Variants in GAK observed in about 807,000 individuals in gnomAD.
GAK encodes the protein cyclin G associated kinase, also known as cyclin-G-associated kinase.
Under a neutral mutation model 143.9 loss-of-function variants are expected in GAK, and 79 were observed. That is an observed-to-expected ratio of 0.55 (90% CI 0.46 to 0.66). GAK has a LOEUF of 0.66. GAK is among the 30% of genes least tolerant of loss of function. GAK has a pLI of 0.00. For missense variants in GAK, 1,693 were observed against 1,779.7 expected (o/e 0.95, Z 0.88); for synonymous variants, 881 against 765.5 (o/e 1.15, Z -2.49).
Position 866,486 on chromosome 4 carries a change from G to A in GAK, c.2921C>T (p.Pro974Leu), listed in dbSNP as rs750688812. 6.2e-7 allele frequency: 1 copy of A among 1,614,096 alleles called. No homozygotes were observed. The highest frequency in any genetic ancestry group is 1.3e-5 in the African/African-American group (1 of 75,062). Residue 974 changes from proline (P) to leucine (L), a missense_variant, in exon 22 of 28, where the codon CCC (proline) becomes CTC (leucine). By Grantham distance (98) the Pro-to-Leu change is moderately conservative. Around this residue, in one of 2 missense-constraint regions of GAK, gnomAD observed 822 missense variants for 788.7 expected, o/e 1.04. Coordinates refer to ENST00000314167, the MANE Select transcript of GAK (RefSeq NM_005255.4). ...GCCGAAGAGATCAGGATTGGAGCAG[G>A]GCTGGGAGTTGTTGCCTGAAGACGG... ...LLPSSGNNSQ[P>L]CSNPDLFGEF...
chr4:909,716 G>A (rs1005086251), intron 4 of GAK, among the ~76,000 whole-genome samples: 7 of 152,244 alleles, frequency 4.6e-5, no homozygotes, highest in African/African-American at 1.7e-4. Flanking sequence ...CGGTTAGAAT[G>A]GAGAGAGGGA....
chr4:861,581 C>G (rs936215241), intron 23 of GAK, among the ~76,000 whole-genome samples: 1 of 152,072 alleles, frequency 6.6e-6, no homozygotes, highest in Non-Finnish European at 1.5e-5. Flanking sequence ...AGAGCAAGAC[C>G]CTGTCTCTAA....
intron 11 of GAK, 166 bp downstream of exon 11, chr4:888,681 G>C: frequency 1.3e-6 from 1 of 779,430 alleles, no homozygotes; most frequent in Non-Finnish European, 2.0e-6. Context: ...GGGATGCTGG[G>C]CTCATTCCGA....
chr4:873,220 C>T (rs1713090046), intron 18 of GAK, among the ~76,000 whole-genome samples: 1 of 152,236 alleles, frequency 6.6e-6, no homozygotes, highest in African/African-American at 2.4e-5. Flanking sequence ...GCACCCCACA[C>T]ATCTGGTAAG....
chr4:910,431 C>T (rs542562193), intron 4 of GAK, among the ~76,000 whole-genome samples: 1 of 151,608 alleles, frequency 6.6e-6, no homozygotes, highest in East Asian at 2.0e-4. Context: ...GCACAGGGCC[C>T]CTTCCACGAC....
intron 24 of GAK, chr4:859,265 C>T (rs185660452): frequency 2.5e-5 from 31 of 1,238,828 alleles, no homozygotes; most frequent in East Asian, 1.1e-4. Flanking sequence ...AGCACAGCCT[C>T]GGGGACTGAG....
chr4:868,263 A>G lies in GAK; in HGVS notation c.2395+276T>C, dbSNP rs569312919. Among the ~76,000 whole-genome samples, 14 of 152,218 alleles carry G rather than the reference A, an allele frequency of 9.2e-5. No homozygotes were observed. The South Asian group carries it at 2.9e-3, about 32-fold the overall frequency. On this transcript the variant is annotated intron_variant, in intron 20 of 27. Coordinates refer to ENST00000314167, the MANE Select transcript of GAK (RefSeq NM_005255.4). Reference sequence around the variant, plus strand: ...CCCCGCCAGCATGGCCCATGCTGCCAGCCTCCCCAGGCCCACAGACTGGGA... The same window carrying G: ...CCCCGCCAGCATGGCCCATGCTGCCGGCCTCCCCAGGCCCACAGACTGGGA...
At chr4:856,599 C>CCAT in intron 24 of GAK, among the ~76,000 whole-genome samples, 1 of 149,998 alleles carries the variant, frequency 6.7e-6, no homozygotes, top group Non-Finnish European at 1.5e-5. Flanking sequence ...CAGGTGCTCA[C>CCAT]AGCTGCTCAC....
chr4:856,288 G>A (rs1749147358), intron 24 of GAK, among the ~76,000 whole-genome samples: 2 of 129,752 alleles, frequency 1.5e-5, no homozygotes, highest in Admixed American at 7.9e-5. Context: ...CCTCACCACA[G>A]CTGCTCACCC....
At chr4:907,888 A>ATTTATGACTTGAGG (rs1411994436) in intron 4 of GAK, among the ~76,000 whole-genome samples, 1 of 152,124 alleles carries the variant, frequency 6.6e-6, no homozygotes, top group Non-Finnish European at 1.5e-5. Flanking sequence ...CGCATGCGTT[A>ATTTATGACTTGAGG]GTCTGCCTCG....
chr4:904,435 G>T (rs978474603), intron 5 of GAK, among the ~76,000 whole-genome samples: 1 of 150,128 alleles, frequency 6.7e-6, no homozygotes, highest in African/African-American at 2.5e-5. Context: ...GCTCCTAACC[G>T]AGCGGGACCC....
chr4:868,199 T>C (rs1397727111), intron 20 of GAK, among the ~76,000 whole-genome samples: 1 of 151,944 alleles, frequency 6.6e-6, no homozygotes, highest in Non-Finnish European at 1.5e-5. Flanking sequence ...GTGGTGACAG[T>C]CTGTCCCTCC....
At chr4:898,520 G>A (rs983593685) in intron 5 of GAK, among the ~76,000 whole-genome samples, 6 of 152,218 alleles carry the variant, frequency 3.9e-5, no homozygotes, top group Admixed American at 3.3e-4. Context: ...ATAAAAAGCA[G>A]AAAATTAAAA....
intron 5 of GAK, among the ~76,000 whole-genome samples, chr4:902,605 A>AAAAAAAAAC (rs1720119846): frequency 1.5e-5 from 2 of 130,386 alleles, no homozygotes; most frequent in Admixed American, 8.3e-5. Flanking sequence ...TCAAAAAAAA[A>AAAAAAAAAC]AAAAAAAAAC....
In GAK at chr4:870,667, A is replaced by G. The variant is rs752921824; in HGVS notation, c.2248+44T>C. The G allele has an allele frequency of 1.4e-5, 23 of 1,590,620 alleles. No homozygotes were observed. The South Asian group carries it at 2.1e-4, about 15-fold the overall frequency. ...CAAAGGTGTCTCTCTCCACAGAGAC[A>G]CTCACCAGAACAGGGTTCACCTAAT... On this transcript the variant is annotated intron_variant, in intron 19 of 27. Coordinates refer to ENST00000314167, the MANE Select transcript of GAK (RefSeq NM_005255.4).
intron 11 of GAK, 121 bp downstream of exon 11, chr4:888,726 C>T (rs1717045000): frequency 4.0e-6 from 5 of 1,241,894 alleles, no homozygotes; most frequent in Non-Finnish European, 5.5e-6. Context: ...TGTCCCACTG[C>T]CTCAGGGGCC....
chr4:866,789 G>A (rs1287202484), intron 21 of GAK, among the ~76,000 whole-genome samples, 167 bp downstream of exon 21: 4 of 152,220 alleles, frequency 2.6e-5, no homozygotes, highest in African/African-American at 9.6e-5. Context: ...GCTCAGGTGG[G>A]CAGCACAGAA....
Position 866,539 on chromosome 4 carries a change from G to A in GAK, c.2873-5C>T. 6.2e-7 allele frequency: 1 copy of A among 1,612,436 alleles called. No homozygotes were observed. The highest frequency in any genetic ancestry group is 8.5e-7 in the Non-Finnish European group (1 of 1,179,514). ...GAAGCGGGCCAAAGGGGTCAGCTGTGGGGACAGGCGGGCATGGGGAGGACT... is the reference window on the plus strand; with the variant it reads ...GAAGCGGGCCAAAGGGGTCAGCTGTAGGGACAGGCGGGCATGGGGAGGACT... On this transcript the variant is annotated splice_polypyrimidine_tract_variant and splice_region_variant and intron_variant, in intron 21 of 27. Coordinates refer to ENST00000314167, the MANE Select transcript of GAK (RefSeq NM_005255.4).
rs370708001 is a variant in GAK, at chr4:877,651, C to G, written c.1820G>C (p.Arg607Pro). The stretch of plus-strand genomic sequence containing the variant: ...GTACTCCTGGGAGGTGCTGGCCACA[C>G]GCTCGTCCCCCACGTAGACCTCGCA... ...PFCEVYVGDE[R>P]VASTSQEYDK... The change falls in exon 16 of 28, where the codon CGT (arginine) becomes CCT (proline). Residue 607 changes from arginine to proline, a missense_variant. This residue lies in a region of GAK where 871 missense variants were observed against 991.0 expected (regional missense o/e 0.88). Coordinates refer to ENST00000314167, the MANE Select transcript of GAK (RefSeq NM_005255.4). The G allele has an allele frequency of 6.2e-7, 1 of 1,605,934 alleles. No individual in the cohort carries two copies. The highest frequency in any genetic ancestry group is 8.5e-7 in the Non-Finnish European group (1 of 1,175,564).
Sources: allele counts gnomAD v4.1 joint callset (sites outside exome capture counted in the v4.1 genomes callset), GRCh38; gene constraint gnomAD v4.1.1; regional missense constraint gnomAD v4.1.1; transcripts MANE v1.5; gene names NCBI Gene and HGNC (gene_info 2026-07-23, HGNC 2026-07-21).